NRXN3: variants seen among roughly 807,000 people sequenced by gnomAD.
NRXN3 encodes the protein neurexin 3.
A neutral mutation model predicts 137.6 loss-of-function variants in NRXN3; 32 were observed. That is an observed-to-expected ratio of 0.23 (90% confidence interval 0.18 to 0.31). The LOEUF is 0.31. NRXN3 is among the 10% of genes least tolerant of loss of function. The pLI is 1.00. For missense variants in NRXN3, 1,574 were observed against 2,062.5 expected (o/e 0.76, Z 4.59); for synonymous variants, 798 against 784.5 (o/e 1.02, Z -0.29).
At chr14:79,705,553 G>A (rs372669892) in intron 19 of NRXN3, among the ~76,000 whole-genome samples, 149 of 151,340 alleles carry the variant, frequency 9.8e-4, no homozygotes, top group African/African-American at 3.5e-3. Flanking sequence ...CAAAGTTTTA[G>A]CAAACCCCCG....
intron 15 of NRXN3, among the ~76,000 whole-genome samples, chr14:79,225,719 G>A (rs188153472): frequency 4.0e-4 from 61 of 152,098 alleles, no homozygotes; most frequent in African/African-American, 8.0e-4. Flanking sequence ...AAAATGTTTC[G>A]TAAACCACTT....
rs143009959 is a variant in NRXN3 at position 79,354,331 on chromosome 14, TAA to T, written c.3263-112886_3263-112885del. Among the ~76,000 whole-genome samples, 274 of 152,196 alleles carry T rather than the reference TAA, an allele frequency of 1.8e-3. 6 individuals are homozygous for T. The East Asian group carries it at 0.049, about 27-fold the overall frequency. Reference sequence around the variant, plus strand: ...TCAATGATACTCAGCATTCAGTAAATAAAAAGAGTTAGACAACTGGTGTCTGT... The same window carrying T: ...TCAATGATACTCAGCATTCAGTAAATAAAGAGTTAGACAACTGGTGTCTGT... On this transcript the variant is annotated intron_variant, in intron 15 of 20. Transcript: ENST00000335750.
chr14:78,564,095 A>G (rs1036589019), intron 4 of NRXN3, among the ~76,000 whole-genome samples: 7 of 152,216 alleles, frequency 4.6e-5, no homozygotes, highest in African/African-American at 1.7e-4. Context: ...GGTGATATTT[A>G]CTGTTACAGC....
chr14:79,472,504 A>G (rs1274047702), intron 16 of NRXN3, among the ~76,000 whole-genome samples: 1 of 152,224 alleles, frequency 6.6e-6, no homozygotes, highest in Non-Finnish European at 1.5e-5. Flanking sequence ...AAACTGTTAT[A>G]TTAATAAAAT....
chr14:79,786,583 A>G (rs1603500439), intron 19 of NRXN3, among the ~76,000 whole-genome samples: 1 of 152,336 alleles, frequency 6.6e-6, no homozygotes, highest in East Asian at 1.9e-4. Context: ...TTTATTCTGC[A>G]TTTAAAAGTG....
chr14:78,729,521 C>G (rs1460721912), intron 8 of NRXN3, among the ~76,000 whole-genome samples: 1 of 152,188 alleles, frequency 6.6e-6, no homozygotes, highest in African/African-American at 2.4e-5. Flanking sequence ...TCTTCCACAT[C>G]TTTTCATTCA....
intron 4 of NRXN3, among the ~76,000 whole-genome samples, chr14:78,555,294 A>G (rs1325410326): frequency 2.0e-5 from 3 of 152,232 alleles, no homozygotes; most frequent in Admixed American, 1.3e-4. Flanking sequence ...TGGGTAGTAC[A>G]GAGTTTTAAA....
intron 15 of NRXN3, among the ~76,000 whole-genome samples, chr14:79,431,635 T>C (rs1434108893): frequency 1.3e-5 from 2 of 152,198 alleles, no homozygotes; most frequent in Admixed American, 6.5e-5. Context: ...TCCTATATTT[T>C]GATTAAATAA....
chr14:78,568,961 G>GTTTTTTTTTTTTTTTT lies in NRXN3; in HGVS notation c.758-76150_758-76135dup, dbSNP rs34485878. On this transcript the variant is annotated intron_variant, in intron 4 of 20. Transcript: ENST00000335750. ...TGTGGTGGGAAATATGACTTTGCAG[G>GTTTTTTTTTTTTTTTT]TTTTTTTTTTTTTTTTTTTTTTTTG... Among the ~76,000 whole-genome samples, 52 of 103,746 alleles carry GTTTTTTTTTTTTTTTT rather than the reference G, an allele frequency of 5.0e-4. 2 individuals are homozygous for GTTTTTTTTTTTTTTTT. Among genetic ancestry groups the GTTTTTTTTTTTTTTTT allele is most frequent in the African/African-American group, 2.1e-3 (52 of 24,456 alleles). 68.1% of individuals were successfully genotyped at this position (103,746 alleles called of 152,430 possible). A position where few individuals can be genotyped will look rare whatever the true frequency, so the allele number is the denominator to read the frequency against.
At chr14:78,797,867 T>C (rs748533306) in intron 8 of NRXN3, among the ~76,000 whole-genome samples, 1 of 152,176 alleles carries the variant, frequency 6.6e-6, no homozygotes, top group South Asian at 2.1e-4. Context: ...TTTCCTCCTA[T>C]AAAACCATCA....
At chr14:78,256,751 T>A (rs1160680790) in intron 2 of NRXN3, among the ~76,000 whole-genome samples, 1 of 152,252 alleles carries the variant, frequency 6.6e-6, no homozygotes, top group Admixed American at 6.5e-5. Flanking sequence ...TGATAACTCA[T>A]ATGCAAGTTT....
At chr14:78,201,094 G>T in intron 1 of NRXN3, among the ~76,000 whole-genome samples, 1 of 152,214 alleles carries the variant, frequency 6.6e-6, no homozygotes, top group Non-Finnish European at 1.5e-5. Flanking sequence ...GGAAGCAGAA[G>T]TGTTGACACT....
intron 15 of NRXN3, among the ~76,000 whole-genome samples, chr14:79,273,819 G>A (rs545099908): frequency 8.6e-5 from 13 of 151,882 alleles, no homozygotes; most frequent in African/African-American, 2.4e-4. Context: ...AGATCGAGCC[G>A]GGCATGATGG....
intron 15 of NRXN3, among the ~76,000 whole-genome samples, chr14:79,456,315 T>C (rs943663374): frequency 3.3e-5 from 5 of 152,186 alleles, no homozygotes; most frequent in African/African-American, 1.2e-4. Flanking sequence ...TGCCCCTATG[T>C]GTTCCAGGCA....
intron 15 of NRXN3, among the ~76,000 whole-genome samples, chr14:79,094,975 A>T (rs140885917): frequency 0.082 from 7,222 of 88,424 alleles, 203 homozygotes; most frequent in East Asian, 0.12. Flanking sequence ...AGAGAGAGAG[A>T]GAGAGTGTGT....
intron 15 of NRXN3, among the ~76,000 whole-genome samples, chr14:79,302,689 A>T (rs1057115922): frequency 2.6e-5 from 4 of 151,700 alleles, no homozygotes; most frequent in African/African-American, 9.7e-5. Context: ...AGTTCTCAGG[A>T]GGTTTGATTG....
At chr14:78,239,430 T>C (rs2066785316) in intron 1 of NRXN3, among the ~76,000 whole-genome samples, 1 of 152,222 alleles carries the variant, frequency 6.6e-6, no homozygotes, top group African/African-American at 2.4e-5. Context: ...TCCTTTGAGA[T>C]GTTGCCCTTT....
chr14:78,451,827 A>G (rs780546390), intron 4 of NRXN3, among the ~76,000 whole-genome samples: 6 of 152,248 alleles, frequency 3.9e-5, no homozygotes, highest in Non-Finnish European at 5.9e-5. Flanking sequence ...TACTCTGGCC[A>G]TTCTTCAGAC....
At chr14:79,213,868 G>A (rs1356505996) in intron 15 of NRXN3, among the ~76,000 whole-genome samples, 3 of 152,112 alleles carry the variant, frequency 2.0e-5, no homozygotes, top group Non-Finnish European at 4.4e-5. Context: ...GTGTTCACAC[G>A]ACCAGGTAGC....
Sources: gnomAD v4.1 joint callset for allele counts (sites outside exome capture counted in the v4.1 genomes callset) on GRCh38, gnomAD v4.1.1 for gene constraint, MANE v1.5 for transcripts, NCBI Gene and HGNC (gene_info 2026-07-23, HGNC 2026-07-21) for gene names.